GTSE1: variants seen among roughly 807,000 people sequenced by gnomAD.
The protein encoded by GTSE1 is G2 and S phase-expressed protein 1.
In GTSE1, 52 loss-of-function variants were observed where a neutral mutation model predicts 60.5. That is an observed-to-expected ratio of 0.86 (90% CI 0.69 to 1.08). GTSE1 has a LOEUF of 1.08. Ranked by LOEUF, GTSE1 falls within the 50% of genes least tolerant of loss-of-function variation. GTSE1 has a pLI of 0.00. For missense variants in GTSE1, 937 were observed against 961.8 expected, an observed-to-expected ratio of 0.97 and a Z score of 0.34; for synonymous variants, 368 against 386.5, an observed-to-expected ratio of 0.95 and a Z score of 0.56.
chr22:46,328,902 G>A lies in GTSE1; in HGVS notation c.1926+13G>A, dbSNP rs760185849. On this transcript the variant is annotated intron_variant, in intron 10 of 11. Transcript: ENST00000454366. ...AGCCCCTAGTGAGGTGGGCAGAACG[G>A]GCGCAGCTGGGTTCTGTTAGCTGAG... is the stretch of plus-strand genomic sequence containing the variant. The A allele has an allele frequency of 4.9e-5, 79 of 1,599,540 alleles. No homozygotes were observed. Among genetic ancestry groups the A allele is most frequent in the Admixed American group, 1.7e-5 (1 of 59,950 alleles).
chr22:46,322,334 G>C (rs1327888594), intron 7 of GTSE1, among the ~76,000 whole-genome samples: 1 of 152,190 alleles, frequency 6.6e-6, no homozygotes, highest in Non-Finnish European at 1.5e-5. Context: ...AGAGGCCTCA[G>C]CTCCAGGCCC....
Position 46,314,116 on chromosome 22 carries a change from C to A in GTSE1, c.1051+103C>A. On this transcript the variant is annotated intron_variant, in intron 6 of 11. Transcript: ENST00000454366. This position sits in a 1 kb window ranked among gnomAD's most constrained non-coding sequence, Gnocchi z 7.1. ...TTTCTGCAGAACCACTTAGGCTTGG[C>A]AGGACGTCCCGGAGGGCGTGCTGTG... is the stretch of plus-strand genomic sequence containing the variant. The A allele has an allele frequency of 2.1e-6, 3 of 1,440,066 alleles. No individual in the cohort carries two copies. Among genetic ancestry groups the A allele is most frequent in the Non-Finnish European group, 2.9e-6 (3 of 1,041,262 alleles). 89.2% of individuals were successfully genotyped at this position (1,440,066 alleles called of 1,614,324 possible).
Position 46,321,035 on chromosome 22 carries a change from G to A in GTSE1, c.1433-2155G>A, listed in dbSNP as rs2077809411. Among the ~76,000 whole-genome samples the A allele has an allele frequency of 6.6e-6, 1 of 151,982 alleles. No individual in the cohort carries two copies. The highest frequency in any genetic ancestry group is 2.1e-4 in the South Asian group (1 of 4,800). Reference sequence around the variant, plus strand: ...CACGGGAGGCGGCAAGGGAGAGGGAGGCGGCGAGGGAGAGAGAGGTGGGCT... The same window carrying A: ...CACGGGAGGCGGCAAGGGAGAGGGAAGCGGCGAGGGAGAGAGAGGTGGGCT... On this transcript the variant is annotated intron_variant, in intron 7 of 11. Transcript: ENST00000454366. The surrounding 1 kb of genome is among the most constrained non-coding windows in gnomAD (Gnocchi z 4.0).
At position 46,321,531 on chromosome 22, in the gene GTSE1, C is replaced by T. The variant is rs1211894543; in HGVS notation, c.1433-1659C>T. Among the ~76,000 whole-genome samples, 1 of 152,174 alleles carries T rather than the reference C, an allele frequency of 6.6e-6. No individual in the cohort carries two copies. Among genetic ancestry groups the T allele is most frequent in the Non-Finnish European group, 1.5e-5 (1 of 68,024 alleles). On this transcript the variant is annotated intron_variant, in intron 7 of 11. Coordinates refer to ENST00000454366, the MANE Select transcript of GTSE1 (RefSeq NM_016426.7). This position sits in a 1 kb window ranked among gnomAD's most constrained non-coding sequence, Gnocchi z 4.0. ...GGGGTGAACATGGAGGCCTGGTGAA[C>T]GCACAGGTGGGGGCGGTGGGGAGGT...
intron 9 of GTSE1, among the ~76,000 whole-genome samples, chr22:46,327,968 C>T (rs769641320): frequency 2.2e-4 from 33 of 152,324 alleles, no homozygotes; most frequent in Non-Finnish European, 3.8e-4. Context: ...ATGTGTTTAA[C>T]TATCTTGTAT....
chr22:46,303,538 G>C (rs375995804), intron 2 of GTSE1, among the ~76,000 whole-genome samples: 1 of 152,306 alleles, frequency 6.6e-6, no homozygotes, highest in African/African-American at 2.4e-5. Context: ...TTGCCTGACT[G>C]TGTTGCTTTA....
intron 2 of GTSE1, among the ~76,000 whole-genome samples, chr22:46,306,245 G>C (rs999524505): frequency 6.9e-6 from 1 of 143,988 alleles, no homozygotes; most frequent in African/African-American, 2.6e-5. Context: ...GCAGTGGCGC[G>C]ATCTCTGCTC....
At position 46,308,312 on chromosome 22, in the gene GTSE1, C is replaced by T. The variant is rs1231713745; in HGVS notation, c.138-7C>T. On this transcript the variant is annotated splice_region_variant and splice_polypyrimidine_tract_variant and intron_variant, in intron 3 of 11. Transcript: ENST00000454366. ...AGTTATTAATCATTCTTTTTTTAAA[C>T]AAATAGTGCAAATGAAGATGATGAA... 3.1e-6 allele frequency: 5 copies of T among 1,610,044 alleles called. No individual in the cohort carries two copies. Among genetic ancestry groups the T allele is most frequent in the East Asian group, 2.2e-5 (1 of 44,838 alleles).
Position 46,304,303 on chromosome 22 carries a change from T to G in GTSE1, c.80-3847T>G, listed in dbSNP as rs2077704951. On this transcript the variant is annotated intron_variant, in intron 2 of 11. Transcript: ENST00000454366. This position sits in a 1 kb window ranked among gnomAD's most constrained non-coding sequence, Gnocchi z 4.4. ...CCATACCTGGCCTACCTTTGTTGTTTTAAGGGTTGTTACTTCAGCATGTTA... is the reference window on the plus strand; with the variant it reads ...CCATACCTGGCCTACCTTTGTTGTTGTAAGGGTTGTTACTTCAGCATGTTA... Among the ~76,000 whole-genome samples the G allele has an allele frequency of 6.6e-6, 1 of 152,168 alleles. No homozygotes were observed. Among genetic ancestry groups the G allele is most frequent in the African/African-American group, 2.4e-5 (1 of 41,442 alleles).
At position 46,313,373 on chromosome 22, in the gene GTSE1, C is replaced by T. The variant is rs8139234; in HGVS notation, c.928-517C>T. ...GGGTTGGGGCCCCAAATCTGCATTT[C>T]TGCTAGCTCCCTAATGTGGTCCTCA... On this transcript the variant is annotated intron_variant, in intron 5 of 11. Transcript: ENST00000454366. This position sits in a 1 kb window ranked among gnomAD's most constrained non-coding sequence, Gnocchi z 4.4. Among the ~76,000 whole-genome samples, 1,449 of 152,292 alleles carry T rather than the reference C, an allele frequency of 9.5e-3. 25 individuals are homozygous for T. Among genetic ancestry groups the T allele is most frequent in the African/African-American group, 0.033 (1,370 of 41,562 alleles).
At chr22:46,311,073 T>G (rs1424075855) in intron 4 of GTSE1, among the ~76,000 whole-genome samples, 1 of 150,326 alleles carries the variant, frequency 6.7e-6, no homozygotes, top group East Asian at 1.9e-4. Flanking sequence ...TTTTTTTTTT[T>G]GTTTTGTTTT....
At position 46,313,787 on chromosome 22, in the gene GTSE1, G is replaced by A. The variant is rs756557671; in HGVS notation, c.928-103G>A. The A allele has an allele frequency of 1.4e-5, 18 of 1,298,640 alleles. No homozygotes were observed. The highest frequency in any genetic ancestry group is 1.9e-4 in the Middle Eastern group (1 of 5,320). The allele number at this position is 1,298,640 out of a possible 1,614,324, so 80.4% of individuals were successfully genotyped here. A position where few individuals can be genotyped will look rare whatever the true frequency, so the allele number is the denominator to read the frequency against. On this transcript the variant is annotated intron_variant, in intron 5 of 11. Transcript: ENST00000454366. This position sits in a 1 kb window ranked among gnomAD's most constrained non-coding sequence, Gnocchi z 4.4. ...CTCCCAAAGTGCTGGGATTACAGGC[G>A]TGAGCCACCGTGCCCAGCCAAAAAC...
At chr22:46,305,675 G>A (rs963369012) in intron 2 of GTSE1, among the ~76,000 whole-genome samples, 13 of 152,012 alleles carry the variant, frequency 8.6e-5, no homozygotes, top group Admixed American at 1.3e-4. Flanking sequence ...TTGGGAGGCT[G>A]AGGCAGGTGG....
At chr22:46,323,490 C>A (rs1159377275) in intron 8 of GTSE1, among the ~76,000 whole-genome samples, 2 of 152,212 alleles carry the variant, frequency 1.3e-5, no homozygotes, top group South Asian at 2.1e-4. Flanking sequence ...CAGCCCTGGA[C>A]TGGTGTGGTT....
chr22:46,318,723 C>T lies in GTSE1; in HGVS notation c.1432+2311C>T, dbSNP rs562285659. Among the ~76,000 whole-genome samples the T allele has an allele frequency of 1.7e-4, 26 of 152,178 alleles. No homozygotes were observed. The highest frequency in any genetic ancestry group is 2.5e-4 in the Non-Finnish European group (17 of 67,990). On this transcript the variant is annotated intron_variant, in intron 7 of 11. Transcript: ENST00000454366. This position sits in a 1 kb window ranked among gnomAD's most constrained non-coding sequence, Gnocchi z 4.8. ...GGTCCTGGGGCAGGAAGGCGTGGGACGTGCTCTGGGAGCAGCATGGGGGCC... is the reference window on the plus strand; with the variant it reads ...GGTCCTGGGGCAGGAAGGCGTGGGATGTGCTCTGGGAGCAGCATGGGGGCC...
In GTSE1 at chr22:46,324,060, C is replaced by T. The variant is rs979403417; in HGVS notation, c.1505+798C>T. ...ATCCAGTTTAAGTTCCCGAATGTTG[C>T]TGACCTTTTTCCTCACGTCAAGTAG... is the stretch of plus-strand genomic sequence containing the variant. On this transcript the variant is annotated intron_variant, in intron 8 of 11. Coordinates refer to ENST00000454366, the MANE Select transcript of GTSE1 (RefSeq NM_016426.7). The surrounding 1 kb of genome is among the most constrained non-coding windows in gnomAD (Gnocchi z 5.2). Among the ~76,000 whole-genome samples the T allele has an allele frequency of 6.6e-6, 1 of 152,216 alleles. No homozygotes were observed. The highest frequency in any genetic ancestry group is 1.5e-5 in the Non-Finnish European group (1 of 68,050).
chr22:46,323,718 T>C lies in GTSE1; in HGVS notation c.1505+456T>C, dbSNP rs750174672. 1.2e-4 allele frequency among the ~76,000 whole-genome samples: 19 copies of C among 152,208 alleles called. 1 individual carries two copies. Among genetic ancestry groups the C allele is most frequent in the Admixed American group, 6.5e-4 (10 of 15,298 alleles). On this transcript the variant is annotated intron_variant, in intron 8 of 11. Transcript: ENST00000454366. ...TTTTTTTCTTTTTGAGATGGAGTCT[T>C]GCTCTGTCGCCCAGGCTGGAGTGCA...
rs2077764670 is a variant in GTSE1 at position 46,314,036 on chromosome 22, T to G, written c.1051+23T>G. The G allele has an allele frequency of 3.7e-6, 6 of 1,613,116 alleles. No homozygotes were observed. The South Asian group carries it at 6.6e-5, about 18-fold the overall frequency. ...AAGGTGAGGCAGCCGGCATCATGCT[T>G]GGACCCACATCTGGCCAGGTGAGGC... On this transcript the variant is annotated intron_variant, in intron 6 of 11. Transcript: ENST00000454366. The surrounding 1 kb of genome is among the most constrained non-coding windows in gnomAD (Gnocchi z 7.1).
In GTSE1 at chr22:46,319,023, G is replaced by A. The variant is rs188010713; in HGVS notation, c.1432+2611G>A. ...CCGTTTGTGTCCCATTGAGTACGAC[G>A]CTTCCCTGCACAGGATGCTAGGACA... is the stretch of plus-strand genomic sequence containing the variant. On this transcript the variant is annotated intron_variant, in intron 7 of 11. Transcript: ENST00000454366. The surrounding 1 kb of genome is among the most constrained non-coding windows in gnomAD (Gnocchi z 5.0). Among the ~76,000 whole-genome samples, 2 of 152,320 alleles carry A rather than the reference G, an allele frequency of 1.3e-5. No individual in the cohort carries two copies. The highest frequency in any genetic ancestry group is 2.9e-5 in the Non-Finnish European group (2 of 68,030).
Sources: allele counts gnomAD v4.1 joint callset (sites outside exome capture counted in the v4.1 genomes callset), GRCh38; gene constraint gnomAD v4.1.1; non-coding constraint Gnocchi (gnomAD v3.1); transcripts MANE v1.5; gene names NCBI Gene and HGNC (gene_info 2026-07-23, HGNC 2026-07-21).